The following ARHGAP21 variants were observed in gnomAD, a reference collection of about 807,000 sequenced individuals.
ARHGAP21 encodes the protein Rho GTPase activating protein 21, also known as rho GTPase-activating protein 21.
ARHGAP21 carries 38 observed loss-of-function variants against 164.6 expected under a neutral mutation model. The observed-to-expected ratio is 0.23, with a 90% CI of 0.18 to 0.30. The LOEUF (loss-of-function observed/expected upper bound fraction) is 0.30, where lower values mean the gene tolerates loss of function less well. Among genes scored for constraint, ARHGAP21 ranks in the 10% least tolerant of loss-of-function variants. ARHGAP21 has a pLI of 1.00. For missense variants in ARHGAP21, 1,822 were observed against 2,370.7 expected (o/e 0.77, Z 4.81); for synonymous variants, 766 against 857.9 (o/e 0.89, Z 1.87).
At chr10:24,631,181 T>C (rs1191988860) in intron 6 of ARHGAP21, among the ~76,000 whole-genome samples, 1 of 152,074 alleles carries the variant, frequency 6.6e-6, no homozygotes, top group Admixed American at 6.5e-5. Context: ...CTGGCCAACA[T>C]GTTGAAAACT....
intron 2 of ARHGAP21, among the ~76,000 whole-genome samples, chr10:24,694,378 T>C (rs1842973076): frequency 1.3e-5 from 2 of 152,334 alleles, no homozygotes; most frequent in South Asian, 4.1e-4. Context: ...ACGGTTCCCG[T>C]CATTCCTTAA....
At chr10:24,646,339 A>T (rs73606534) in intron 4 of ARHGAP21, among the ~76,000 whole-genome samples, 4,561 of 152,254 alleles carry the variant, frequency 0.03, 207 homozygotes, top group African/African-American at 0.097. Context: ...GCTGAAAAAA[A>T]AACACAGCTC....
At chr10:24,717,371 T>G (rs563758454) in intron 2 of ARHGAP21, among the ~76,000 whole-genome samples, 3 of 152,202 alleles carry the variant, frequency 2.0e-5, no homozygotes, top group Admixed American at 2.0e-4. Flanking sequence ...ACAAACATGG[T>G]CCCTGCTCTT....
In ARHGAP21 at chr10:24,584,491, G is replaced by C. The variant is rs760452321; in HGVS notation, c.5798C>G (p.Ala1933Gly). The C allele has an allele frequency of 2.5e-6, 4 of 1,613,952 alleles. No homozygotes were observed. Among genetic ancestry groups the C allele is most frequent in the Admixed American group, 1.7e-5 (1 of 60,014 alleles). ...AGGTTGGGCATTCGCTGCAGAACTA[G>C]CATTTTTGCTCACGTTCTGGAAGCT... Reference protein sequence around the residue: ...GESFQNVSKNASSAANAQPHK... With the variant: ...GESFQNVSKNGSSAANAQPHK... Residue 1933 changes from alanine (A) to glycine (G), a missense_variant, in exon 26 of 26, where the codon GCT (alanine) becomes GGT (glycine). By Grantham distance (60) the Ala-to-Gly change is moderately conservative. Transcript: ENST00000396432.
intron 12 of ARHGAP21, among the ~76,000 whole-genome samples, chr10:24,603,203 G>C (rs1450527920): frequency 2.0e-5 from 3 of 152,162 alleles, no homozygotes; most frequent in Non-Finnish European, 4.4e-5. Flanking sequence ...GAGCAAAAGA[G>C]CCTGCAGAGG....
At position 24,622,440 on chromosome 10, in the gene ARHGAP21, ATATATATAT is replaced by A. The variant is rs1834656315; in HGVS notation, c.525+284_525+292del. Among the ~76,000 whole-genome samples, 7 of 8,596 alleles carry A rather than the reference ATATATATAT, an allele frequency of 8.1e-4. 1 individual carries two copies. The highest frequency in any genetic ancestry group is 3.2e-3 in the African/African-American group (6 of 1,902). 5.6% of individuals were successfully genotyped at this position (8,596 alleles called of 152,430 possible). The stretch of plus-strand genomic sequence containing the variant: ...GGTGAGATACTTAAAAAACATATAT[ATATATATAT>A]ATATATATATATATATATATATATA... On this transcript the variant is annotated intron_variant, in intron 8 of 25. Coordinates refer to ENST00000396432, the MANE Select transcript of ARHGAP21 (RefSeq NM_020824.4).
intron 4 of ARHGAP21, 151 bp downstream of exon 4, chr10:24,666,833 GT>G (rs1241165284): frequency 2.8e-5 from 14 of 504,674 alleles, no homozygotes; most frequent in African/African-American, 2.5e-4. Flanking sequence ...GAAGTCCACA[GT>G]AAAAAACATT....
At chr10:24,649,232 A>T (rs1837911056) in intron 4 of ARHGAP21, among the ~76,000 whole-genome samples, 1 of 152,252 alleles carries the variant, frequency 6.6e-6, no homozygotes, top group Non-Finnish European at 1.5e-5. Flanking sequence ...GGTAATTTAT[A>T]TCTGAACCAT....
Position 24,589,372 on chromosome 10 carries a change from C to CT in ARHGAP21, c.4151-71dup, listed in dbSNP as rs564555557. 296 of 1,402,194 alleles carry CT rather than the reference C, an allele frequency of 2.1e-4. 2 individuals carry two copies. In the East Asian group the frequency reaches 5.6e-3, roughly 26 times the overall value. The allele number at this position is 1,402,194 out of a possible 1,614,324, so 86.9% of individuals were successfully genotyped here. A position where few individuals can be genotyped will look rare whatever the true frequency, so the allele number is the denominator to read the frequency against. On this transcript the variant is annotated intron_variant, in intron 24 of 25. Transcript: ENST00000396432. ...ACTGCTTTCCACAAACAATGCAAAA[C>CT]TTATGGAAAGACAGGCACAGAACAA...
intron 2 of ARHGAP21, among the ~76,000 whole-genome samples, chr10:24,672,557 T>TA (rs1593243666): frequency 6.6e-6 from 1 of 152,252 alleles, no homozygotes; most frequent in East Asian, 1.9e-4. Flanking sequence ...TCCAACCTGA[T>TA]ATGTATCTTA....
At chr10:24,597,367 G>C (rs1232223736) in intron 16 of ARHGAP21, 80 bp downstream of exon 16, 12 of 1,521,762 alleles carry the variant, frequency 7.9e-6, no homozygotes, top group African/African-American at 5.5e-5. Flanking sequence ...CAGTAGAAAT[G>C]GTACAGAAAA....
At chr10:24,599,701 C>A (rs2076731730) in intron 14 of ARHGAP21, among the ~76,000 whole-genome samples, 1 of 152,156 alleles carries the variant, frequency 6.6e-6, no homozygotes, top group Non-Finnish European at 1.5e-5. Context: ...GCTACTTCAT[C>A]ATTGCTAGAT....
intron 12 of ARHGAP21, among the ~76,000 whole-genome samples, chr10:24,603,498 C>CTAT (rs1439897102): frequency 1.3e-5 from 2 of 152,022 alleles, no homozygotes; most frequent in Non-Finnish European, 2.9e-5. Context: ...AGGAAGGTTT[C>CTAT]TATTTTAATG....
intron 2 of ARHGAP21, among the ~76,000 whole-genome samples, chr10:24,700,832 T>C (rs918874900): frequency 1.3e-4 from 20 of 152,330 alleles, no homozygotes; most frequent in African/African-American, 4.6e-4. Flanking sequence ...AGAGCTTTAA[T>C]GTGTGGAAGA....
rs1593294067 is a variant in ARHGAP21, at chr10:24,689,126, A to G, written c.64-18729T>C. Among the ~76,000 whole-genome samples the G allele has an allele frequency of 2.0e-5, 3 of 152,254 alleles. No individual in the cohort carries two copies. The South Asian group carries it at 6.2e-4, about 32-fold the overall frequency. On this transcript the variant is annotated intron_variant, in intron 2 of 25. Coordinates refer to ENST00000396432, the MANE Select transcript of ARHGAP21 (RefSeq NM_020824.4). ...TACAAATACAGACACTGAGTCCCTG[A>G]AAGACTCACTGGTGGCCTCATAGCT...
chr10:24,583,762 G>A lies in ARHGAP21; in HGVS notation c.*650C>T, dbSNP rs2075988748. On this transcript the variant is annotated 3_prime_UTR_variant, in exon 26 of 26. Coordinates refer to ENST00000396432, the MANE Select transcript of ARHGAP21 (RefSeq NM_020824.4). ...CAGGATCCACTATCTACACACCTAT[G>A]TTACAACATTATATCAAATCTGGTA... 1 of 152,544 alleles carries A rather than the reference G, an allele frequency of 6.6e-6. No homozygotes were observed. The highest frequency in any genetic ancestry group is 1.5e-5 in the Non-Finnish European group (1 of 68,036). The allele number at this position is 152,544 out of a possible 1,614,324, so 9.4% of individuals were successfully genotyped here.
intron 4 of ARHGAP21, among the ~76,000 whole-genome samples, chr10:24,643,559 G>A (rs918402985): frequency 6.6e-6 from 1 of 152,076 alleles, no homozygotes; most frequent in Non-Finnish European, 1.5e-5. Context: ...ACTAAAATTG[G>A]AACAGAAGTT....
In ARHGAP21 at chr10:24,619,797, C is replaced by A. The variant is rs754311804; in HGVS notation, c.2098G>T (p.Ala700Ser). ...GGTAGTTCTAAATCTGAAGTACCAGCGTTTTCACTCGACTGAGGGGCAGGC... is the reference window on the plus strand; with the variant it reads ...GGTAGTTCTAAATCTGAAGTACCAGAGTTTTCACTCGACTGAGGGGCAGGC... ...AKPAPQSSEN[A>S]GTSDLELPVS... Residue 700 changes from alanine (A) to serine (S), a missense_variant, in exon 9 of 26, where the codon GCT (alanine) becomes TCT (serine). By Grantham distance (99) the Ala-to-Ser change is moderately conservative (BLOSUM62 1). Coordinates refer to ENST00000396432, the MANE Select transcript of ARHGAP21 (RefSeq NM_020824.4). 6.2e-6 allele frequency: 10 copies of A among 1,614,118 alleles called. No homozygotes were observed. In the East Asian group the frequency reaches 1.6e-4, roughly 25 times the overall value.
intron 2 of ARHGAP21, among the ~76,000 whole-genome samples, chr10:24,710,250 G>A (rs981119352): frequency 2.0e-5 from 3 of 152,110 alleles, no homozygotes; most frequent in African/African-American, 7.2e-5. Flanking sequence ...AGTATCTAGT[G>A]AGACATTAAA....
Sources: allele counts gnomAD v4.1 joint callset (sites outside exome capture counted in the v4.1 genomes callset), GRCh38; gene constraint gnomAD v4.1.1; transcripts MANE v1.5; gene names NCBI Gene and HGNC (gene_info 2026-07-23, HGNC 2026-07-21).